The following FGF12 variants were observed in gnomAD, a reference collection of about 807,000 sequenced individuals.
FGF12 encodes the protein fibroblast growth factor 12, also known as fibroblast growth factor 12B.
In FGF12, 14 loss-of-function variants were observed where a neutral mutation model predicts 23.6. The observed-to-expected ratio is 0.59, with a 90% CI of 0.39 to 0.93. The LOEUF (loss-of-function observed/expected upper bound fraction) is 0.93. Among genes scored for constraint, FGF12 ranks in the 40% least tolerant of loss-of-function variants. The probability of loss-of-function intolerance (pLI) is 0.00; values close to 1 mark genes in which losing one functional copy is unlikely to be tolerated. For synonymous variants in FGF12, 62 were observed against 77.3 expected, an observed-to-expected ratio of 0.80 and a Z score of 1.04; for missense variants, 175 against 217.8, an observed-to-expected ratio of 0.80 and a Z score of 1.24.
rs1391476157 is a variant in FGF12, at chr3:192,154,989, G to A, written c.428-10862C>T. Among the ~76,000 whole-genome samples, 45 of 142,458 alleles carry A rather than the reference G, an allele frequency of 3.2e-4. 1 individual carries two copies. The highest frequency in any genetic ancestry group is 1.1e-3 in the African/African-American group (41 of 38,416). 93.5% of individuals were successfully genotyped at this position (142,458 alleles called of 152,430 possible). ...AGATTCCGTGGGCGTAGGACCCTCC[G>A]AGCCAGGTGTGGGATATAGTCTCGT... On this transcript the variant is annotated intron_variant, in intron 5 of 5. Coordinates refer to ENST00000445105, the MANE Select transcript of FGF12 (RefSeq NM_004113.6).
chr3:192,713,700 T>C (rs910376946), intron 2 of FGF12, among the ~76,000 whole-genome samples: 1 of 152,188 alleles, frequency 6.6e-6, no homozygotes, highest in Admixed American at 6.5e-5. Context: ...GGTTATTAGA[T>C]GAAAATCATC....
chr3:192,630,111 T>A (rs1198467018), intron 2 of FGF12, among the ~76,000 whole-genome samples: 1 of 152,094 alleles, frequency 6.6e-6, no homozygotes, highest in African/African-American at 2.4e-5. Flanking sequence ...AGAAATCTGC[T>A]TATTTAAAAG....
intron 4 of FGF12, among the ~76,000 whole-genome samples, chr3:192,282,317 T>C (rs928809984): frequency 6.6e-6 from 1 of 152,120 alleles, no homozygotes; most frequent in African/African-American, 2.4e-5. Context: ...AATGAATGAA[T>C]GAAACTGGAT....
intron 2 of FGF12, among the ~76,000 whole-genome samples, chr3:192,685,400 A>C (rs79310043): frequency 0.049 from 7,452 of 152,306 alleles, 337 homozygotes; most frequent in East Asian, 0.2. Flanking sequence ...GCACTATAAA[A>C]GTTTGTGAAA....
chr3:192,581,221 AAAGT>A (rs1437698930), intron 2 of FGF12, among the ~76,000 whole-genome samples: 9 of 152,022 alleles, frequency 5.9e-5, no homozygotes, highest in Admixed American at 3.9e-4. Context: ...CTAAATAAAT[AAAGT>A]ATGTAGAGAA....
chr3:192,356,425 T>G (rs376056094), intron 3 of FGF12, among the ~76,000 whole-genome samples: 1 of 152,260 alleles, frequency 6.6e-6, no homozygotes, highest in Non-Finnish European at 1.5e-5. Context: ...TCTTGTCCTA[T>G]GGTAACTCAG....
intron 4 of FGF12, chr3:192,267,026 A>G (rs1411342489): frequency 6.6e-6 from 1 of 152,192 alleles, no homozygotes; most frequent in East Asian, 1.9e-4. Context: ...GAGGAATCAG[A>G]TGTTTCATGC....
chr3:192,361,582 C>T (rs1718729755), intron 2 of FGF12, among the ~76,000 whole-genome samples: 1 of 152,146 alleles, frequency 6.6e-6, no homozygotes, highest in Non-Finnish European at 1.5e-5. Context: ...AGCTAGTCAA[C>T]TTCATCCTTC....
At chr3:192,157,987 T>C (rs1249109947) in intron 5 of FGF12, among the ~76,000 whole-genome samples, 1 of 152,180 alleles carries the variant, frequency 6.6e-6, no homozygotes. Flanking sequence ...TCCAAAGTAA[T>C]ATAGCAATAC....
chr3:192,541,091 T>G (rs1404875274), intron 2 of FGF12, among the ~76,000 whole-genome samples: 4 of 152,174 alleles, frequency 2.6e-5, no homozygotes, highest in African/African-American at 4.8e-5. Flanking sequence ...CTACTCTATG[T>G]GCTTTGATTG....
At chr3:192,582,374 G>A (rs1212210458) in intron 2 of FGF12, among the ~76,000 whole-genome samples, 1 of 152,098 alleles carries the variant, frequency 6.6e-6, no homozygotes, top group Admixed American at 6.5e-5. Context: ...GTTAGAGTTT[G>A]TATCTTTATC....
chr3:192,175,951 TA>T (rs142725155), intron 4 of FGF12, among the ~76,000 whole-genome samples: 6,620 of 152,292 alleles, frequency 0.043, 186 homozygotes, highest in Admixed American at 0.059. Context: ...TCTTAGGGTC[TA>T]CCACTGCCCA....
intron 3 of FGF12, among the ~76,000 whole-genome samples, chr3:192,343,343 A>G (rs1395354303): frequency 6.6e-5 from 10 of 152,196 alleles, no homozygotes; most frequent in Non-Finnish European, 1.5e-4. Flanking sequence ...CTCAATCAAG[A>G]TATTTTATTA....
At chr3:192,300,948 T>A (rs1191719982) in intron 4 of FGF12, among the ~76,000 whole-genome samples, 1 of 151,594 alleles carries the variant, frequency 6.6e-6, no homozygotes, top group African/African-American at 2.4e-5. Context: ...AATCCGGGAG[T>A]CGAGATCACC....
chr3:192,571,530 G>T (rs932809090), intron 2 of FGF12, among the ~76,000 whole-genome samples: 4 of 152,212 alleles, frequency 2.6e-5, no homozygotes, highest in Admixed American at 6.5e-5. Flanking sequence ...CCCGGGTCCA[G>T]ACTTTCCATC....
intron 2 of FGF12, among the ~76,000 whole-genome samples, chr3:192,420,916 A>G (rs1225691897): frequency 6.6e-6 from 1 of 152,204 alleles, no homozygotes; most frequent in Non-Finnish European, 1.5e-5. Flanking sequence ...AACAAGAATC[A>G]CAATTTGGAA....
chr3:192,485,714 C>A (rs776251764), intron 2 of FGF12, among the ~76,000 whole-genome samples: 5 of 151,798 alleles, frequency 3.3e-5, no homozygotes, highest in Admixed American at 3.3e-4. Flanking sequence ...GTAAAAAAAC[C>A]AAGAAATTAG....
At chr3:192,438,020 T>G (rs945757174) in intron 2 of FGF12, among the ~76,000 whole-genome samples, 1 of 152,206 alleles carries the variant, frequency 6.6e-6, no homozygotes, top group Admixed American at 6.5e-5. Context: ...AATCCAACTT[T>G]TTTCCTCGAA....
intron 2 of FGF12, among the ~76,000 whole-genome samples, chr3:192,550,437 C>A (rs1323707211): frequency 1.3e-5 from 2 of 149,976 alleles, no homozygotes; most frequent in Admixed American, 1.3e-4. Flanking sequence ...GCATATGTTA[C>A]ATTATATATT....
Sources: gnomAD v4.1 joint callset for allele counts (sites outside exome capture counted in the v4.1 genomes callset) on GRCh38, gnomAD v4.1.1 for gene constraint, MANE v1.5 for transcripts, NCBI Gene and HGNC (gene_info 2026-07-23, HGNC 2026-07-21) for gene names.